Variants in RASSF8 observed in about 807,000 individuals in gnomAD.
The protein encoded by RASSF8 is ras association domain-containing protein 8.
Under a neutral mutation model 48.5 loss-of-function variants are expected in RASSF8, and 22 were observed. That is an observed-to-expected ratio of 0.45 (90% confidence interval 0.32 to 0.65). The LOEUF is 0.65. RASSF8 is among the 30% of genes least tolerant of loss of function. The pLI is 0.03. For synonymous variants in RASSF8, 127 were observed against 171.5 expected, an observed-to-expected ratio of 0.74 and a Z score of 2.03; for missense variants, 418 against 489.2, an observed-to-expected ratio of 0.85 and a Z score of 1.37.
intron 3 of RASSF8, among the ~76,000 whole-genome samples, chr12:26,058,519 C>T (rs1279114112): frequency 8.0e-6 from 1 of 125,598 alleles, no homozygotes; most frequent in African/African-American, 2.9e-5. Flanking sequence ...GGGCACTACA[C>T]ACATGCGCAC....
chr12:26,076,800 A>T (rs1362570737), downstream of RASSF8, among the ~76,000 whole-genome samples: 1 of 152,224 alleles, frequency 6.6e-6, no homozygotes, highest in Non-Finnish European at 1.5e-5. Flanking sequence ...TTGCTGGGTC[A>T]GATGGTATTT....
At chr12:25,961,895 A>C (rs1941244149) in intron 1 of RASSF8, among the ~76,000 whole-genome samples, 1 of 152,010 alleles carries the variant, frequency 6.6e-6, no homozygotes, top group Non-Finnish European at 1.5e-5. Flanking sequence ...CCTGCTGTCC[A>C]TTTTTATTGC....
chr12:26,007,796 AT>A (rs1352593864), intron 2 of RASSF8, among the ~76,000 whole-genome samples: 1 of 152,234 alleles, frequency 6.6e-6, no homozygotes, highest in Non-Finnish European at 1.5e-5. Flanking sequence ...AAGGATCAAA[AT>A]TATTTACATA....
At chr12:25,977,562 A>G (rs181087113) in intron 1 of RASSF8, among the ~76,000 whole-genome samples, 1 of 151,646 alleles carries the variant, frequency 6.6e-6, no homozygotes, top group East Asian at 1.9e-4. Flanking sequence ...ATTGTTTTCC[A>G]TTTTTCAGAT....
At chr12:26,034,041 A>T (rs1415186197) in intron 2 of RASSF8, among the ~76,000 whole-genome samples, 1 of 151,888 alleles carries the variant, frequency 6.6e-6, no homozygotes, top group East Asian at 1.9e-4. Context: ...GCTAGCAGGG[A>T]GGTGGTGGTG....
intron 1 of RASSF8, among the ~76,000 whole-genome samples, chr12:25,986,718 C>A (rs10842650): frequency 0.48 from 72,805 of 151,912 alleles, 18,083 homozygotes; most frequent in Non-Finnish European, 0.56. Flanking sequence ...CTCACCTATT[C>A]TTTCCAGTGG....
chr12:25,980,085 T>C (rs970939450), intron 1 of RASSF8, among the ~76,000 whole-genome samples: 13 of 152,238 alleles, frequency 8.5e-5, no homozygotes, highest in Admixed American at 6.5e-5. Flanking sequence ...GACTACTTCC[T>C]TCTGCTTTCA....
intron 1 of RASSF8, among the ~76,000 whole-genome samples, chr12:25,971,472 A>G (rs1941482300): frequency 6.6e-6 from 1 of 152,178 alleles, no homozygotes; most frequent in Non-Finnish European, 1.5e-5. Context: ...CAGAATGGAA[A>G]AACTTCTGAT....
chr12:26,010,281 C>G (rs189416929), intron 2 of RASSF8, among the ~76,000 whole-genome samples: 1 of 152,232 alleles, frequency 6.6e-6, no homozygotes. Context: ...GAAGGTAGAA[C>G]CAATGGCTTT....
chr12:25,966,724 C>G (rs1334485534), intron 1 of RASSF8, among the ~76,000 whole-genome samples: 1 of 152,130 alleles, frequency 6.6e-6, no homozygotes, highest in East Asian at 1.9e-4. Flanking sequence ...GAATTTCTCC[C>G]AGTTTGTGTC....
downstream of RASSF8, among the ~76,000 whole-genome samples, chr12:26,075,350 G>A (rs1012929810): frequency 6.6e-6 from 1 of 152,172 alleles, no homozygotes; most frequent in Non-Finnish European, 1.5e-5. Flanking sequence ...AAAACATGGA[G>A]AATAGAATAT....
chr12:26,035,824 A>AAT (rs1943135976), intron 2 of RASSF8, among the ~76,000 whole-genome samples: 2 of 145,068 alleles, frequency 1.4e-5, no homozygotes, highest in Non-Finnish European at 3.0e-5. Context: ...AATTATATAT[A>AAT]ATATAATTTC....
intron 2 of RASSF8, among the ~76,000 whole-genome samples, chr12:26,040,455 T>A (rs757015644): frequency 6.6e-6 from 1 of 152,148 alleles, no homozygotes; most frequent in Non-Finnish European, 1.5e-5. Flanking sequence ...GGAGGAAAAG[T>A]ATTTTGTTCT....
At chr12:26,034,456 T>G (rs1565629065) in intron 2 of RASSF8, among the ~76,000 whole-genome samples, 1 of 151,960 alleles carries the variant, frequency 6.6e-6, no homozygotes, top group African/African-American at 2.4e-5. Flanking sequence ...TATGCATTTA[T>G]GTTGGGCCGC....
chr12:25,986,492 C>T (rs1941878766), intron 1 of RASSF8, among the ~76,000 whole-genome samples: 1 of 152,148 alleles, frequency 6.6e-6, no homozygotes, highest in South Asian at 2.1e-4. Flanking sequence ...GGTGGATGAC[C>T]TCACATATCT....
downstream of RASSF8, among the ~76,000 whole-genome samples, chr12:26,073,821 T>TACACACACACACAC (rs757140768): frequency 1.1e-4 from 7 of 65,238 alleles, no homozygotes; most frequent in Admixed American, 2.6e-4. Context: ...TATATACACA[T>TACACACACACACAC]ACACACACAC....
At chr12:25,972,833 AC>A (rs758335367) in intron 1 of RASSF8, among the ~76,000 whole-genome samples, 2 of 152,250 alleles carry the variant, frequency 1.3e-5, no homozygotes, top group Non-Finnish European at 2.9e-5. Context: ...CATCAAGTGC[AC>A]AGATCGAGAA....
At chr12:26,074,545 A>G (rs1292848853), downstream of RASSF8, among the ~76,000 whole-genome samples, 2 of 150,930 alleles carry the variant, frequency 1.3e-5, no homozygotes, top group Non-Finnish European at 3.0e-5. Flanking sequence ...GGCTTTCACT[A>G]TGTTGACCAG....
chr12:25,990,489 T>C (rs1189714826), intron 1 of RASSF8, among the ~76,000 whole-genome samples: 10 of 152,328 alleles, frequency 6.6e-5, no homozygotes, highest in African/African-American at 2.4e-4. Flanking sequence ...GGTATTACCA[T>C]TTTTCTCTGC....
Sources: allele counts gnomAD v4.1 joint callset (sites outside exome capture counted in the v4.1 genomes callset), GRCh38; gene constraint gnomAD v4.1.1; transcripts MANE v1.5; gene names NCBI Gene and HGNC (gene_info 2026-07-23, HGNC 2026-07-21).